CYP19A1: variants seen among roughly 807,000 people sequenced by gnomAD.
CYP19A1 encodes the protein cytochrome P450 family 19 subfamily A member 1, also known as aromatase.
CYP19A1 carries 32 observed loss-of-function variants against 44.4 expected under a neutral mutation model. The ratio of observed to expected loss-of-function variants is 0.72; its 90% CI spans 0.54 to 0.97. The LOEUF is 0.97. Ranked by LOEUF, CYP19A1 falls within the 50% of genes least tolerant of loss-of-function variation. The probability of loss-of-function intolerance (pLI) is 0.00; values close to 1 mark genes in which losing one functional copy is unlikely to be tolerated. For synonymous variants in CYP19A1, 212 were observed against 215.6 expected (o/e 0.98, Z 0.14); for missense variants, 598 against 637.8 (o/e 0.94, Z 0.67).
chr15:51,304,588 A>G (rs1466604702), intron 1 of CYP19A1, among the ~76,000 whole-genome samples: 1 of 152,220 alleles, frequency 6.6e-6, no homozygotes, highest in Non-Finnish European at 1.5e-5. Flanking sequence ...TCATTTTCCA[A>G]ATATTAATTC....
intron 1 of CYP19A1, among the ~76,000 whole-genome samples, chr15:51,288,793 A>G (rs921978167): frequency 6.6e-6 from 1 of 152,060 alleles, no homozygotes; most frequent in African/African-American, 2.4e-5. Context: ...CCTACTGTCC[A>G]TTACAGAATT....
At chr15:51,254,821 GA>G (rs1300955338) in intron 1 of CYP19A1, among the ~76,000 whole-genome samples, 1 of 152,166 alleles carries the variant, frequency 6.6e-6, no homozygotes, top group African/African-American at 2.4e-5. Context: ...TGTTTTGAAT[GA>G]TCAGTAAGTC....
At chr15:51,325,641 C>A (rs2036595016) in intron 1 of CYP19A1, among the ~76,000 whole-genome samples, 1 of 152,050 alleles carries the variant, frequency 6.6e-6, no homozygotes, top group Admixed American at 6.5e-5. Context: ...AGATCAAGAC[C>A]ATCCTGGCTA....
intron 1 of CYP19A1, among the ~76,000 whole-genome samples, chr15:51,327,515 G>A: frequency 6.6e-6 from 1 of 150,428 alleles, no homozygotes; most frequent in East Asian, 1.9e-4. Flanking sequence ...TTCCTTTGAG[G>A]CAGAATCTTG....
intron 1 of CYP19A1, among the ~76,000 whole-genome samples, chr15:51,318,182 A>G (rs1295728919): frequency 6.6e-6 from 1 of 151,852 alleles, no homozygotes; most frequent in Non-Finnish European, 1.5e-5. Flanking sequence ...CTTTATGTAC[A>G]TGATCTAATT....
chr15:51,244,187 T>A (rs184542469), intron 1 of CYP19A1, among the ~76,000 whole-genome samples: 12 of 152,356 alleles, frequency 7.9e-5, no homozygotes, highest in East Asian at 5.8e-4. Context: ...CACATTCTAG[T>A]GGAGAAAGGC....
chr15:51,275,424 G>A (rs892952607), intron 1 of CYP19A1, among the ~76,000 whole-genome samples: 1 of 152,236 alleles, frequency 6.6e-6, no homozygotes, highest in Non-Finnish European at 1.5e-5. Context: ...GGATTATTTA[G>A]TGTCAGTTTT....
intron 1 of CYP19A1, among the ~76,000 whole-genome samples, chr15:51,288,241 C>G (rs2035754452): frequency 6.6e-6 from 1 of 152,162 alleles, no homozygotes; most frequent in Non-Finnish European, 1.5e-5. Flanking sequence ...GTCCTGACAG[C>G]TGAGTTACCT....
intron 1 of CYP19A1, chr15:51,313,267 T>C (rs976853639): frequency 6.6e-6 from 1 of 152,264 alleles, no homozygotes; most frequent in Non-Finnish European, 1.5e-5. Context: ...TTTATTCTCT[T>C]CTTTGTTTTA....
At chr15:51,239,892 C>T (rs1205541327) in intron 2 of CYP19A1, among the ~76,000 whole-genome samples, 2 of 152,184 alleles carry the variant, frequency 1.3e-5, no homozygotes, top group African/African-American at 2.4e-5. Context: ...ATGTGGTACC[C>T]CGGGCAGAGC....
At chr15:51,284,267 G>C (rs925370949) in intron 1 of CYP19A1, among the ~76,000 whole-genome samples, 20 of 152,228 alleles carry the variant, frequency 1.3e-4, no homozygotes, top group African/African-American at 4.6e-4. Flanking sequence ...TTTGCATAGT[G>C]ACTATTTAGG....
At chr15:51,266,225 G>A (rs3889391) in intron 1 of CYP19A1, among the ~76,000 whole-genome samples, 53,684 of 152,158 alleles carry the variant, frequency 0.35, 10,232 homozygotes, top group Non-Finnish European at 0.43. Flanking sequence ...ATCACATTAT[G>A]TACATGACAC....
At chr15:51,218,375 G>A in intron 6 of CYP19A1, 166 bp downstream of exon 6, 1 of 1,102,214 alleles carries the variant, frequency 9.1e-7, no homozygotes. Flanking sequence ...GCCAAATGCA[G>A]CCAAATTGCT....
chr15:51,220,251 G>A (rs2031958132), intron 5 of CYP19A1, among the ~76,000 whole-genome samples: 1 of 152,136 alleles, frequency 6.6e-6, no homozygotes, highest in Non-Finnish European at 1.5e-5. Context: ...TGACATCTGT[G>A]CCCACACACA....
chr15:51,312,386 T>C (rs925035431), intron 1 of CYP19A1: 2 of 152,216 alleles, frequency 1.3e-5, no homozygotes, highest in African/African-American at 4.8e-5. Flanking sequence ...ATTTTACAGT[T>C]TACAGAGCAG....
intron 1 of CYP19A1, among the ~76,000 whole-genome samples, chr15:51,264,972 T>C (rs550806988): frequency 2.0e-5 from 3 of 152,310 alleles, no homozygotes; most frequent in Admixed American, 2.0e-4. Context: ...CAATGTAGGG[T>C]TGGGTCACCA....
chr15:51,282,131 A>G (rs958618589), intron 1 of CYP19A1, among the ~76,000 whole-genome samples: 1 of 152,210 alleles, frequency 6.6e-6, no homozygotes, highest in Non-Finnish European at 1.5e-5. Context: ...GTAAAGGAGC[A>G]GCAGACCTCC....
chr15:51,301,747 A>C (rs2036119032), intron 1 of CYP19A1, among the ~76,000 whole-genome samples: 1 of 152,236 alleles, frequency 6.6e-6, no homozygotes, highest in African/African-American at 2.4e-5. Flanking sequence ...CTGCTGGCTA[A>C]ATTCAGCCCA....
chr15:51,269,380 G>A (rs1245667347), intron 1 of CYP19A1, among the ~76,000 whole-genome samples: 3 of 151,866 alleles, frequency 2.0e-5, no homozygotes, highest in Non-Finnish European at 4.4e-5. Flanking sequence ...TAATCTATAT[G>A]TTTATTTTTT....
Sources: gnomAD v4.1 joint callset for allele counts (sites outside exome capture counted in the v4.1 genomes callset) on GRCh38, gnomAD v4.1.1 for gene constraint, MANE v1.5 for transcripts, NCBI Gene and HGNC (gene_info 2026-07-23, HGNC 2026-07-21) for gene names.